DDX27: variants seen among roughly 807,000 people sequenced by gnomAD.
DDX27 encodes the protein DEAD-box helicase 27, also known as probable ATP-dependent RNA helicase DDX27.
A neutral mutation model predicts 99.3 loss-of-function variants in DDX27; 42 were observed. The ratio of observed to expected loss-of-function variants is 0.42; its 90% CI spans 0.33 to 0.55. The LOEUF (loss-of-function observed/expected upper bound fraction) is 0.55. DDX27 is among the 20% of genes least tolerant of loss of function. The pLI, the probability that DDX27 is intolerant of heterozygous loss-of-function variation, is 0.07. For missense variants in DDX27, 798 were observed against 976.8 expected (o/e 0.82, Z 2.44); for synonymous variants, 329 against 353.8 (o/e 0.93, Z 0.79).
At chr20:49,242,325 A>G (rs1980506411) in intron 18 of DDX27, 119 bp downstream of exon 18, 1 of 1,462,746 alleles carries the variant, frequency 6.8e-7, no homozygotes, top group South Asian at 1.3e-5. Flanking sequence ...AGTAATTAGT[A>G]TGTACCAATG....
chr20:49,242,277 A>G, intron 18 of DDX27, 71 bp downstream of exon 18: 6 of 1,582,844 alleles, frequency 3.8e-6, no homozygotes, highest in Non-Finnish European at 4.3e-6. Context: ...GGTCAGGGAG[A>G]AAATCTGAGG....
chr20:49,233,641 C>T lies in DDX27; in HGVS notation c.1205C>T (p.Pro402Leu), dbSNP rs1980202848. ...IFVNSNTDVAPFLRQEFIRIR... is the reference protein window; with the variant it reads ...IFVNSNTDVALFLRQEFIRIR... ...GTGAACAGCAACACAGATGTGGCTC[C>T]CTTCCTGCGGCAGGAGTTCATCCGG... Residue 402 changes from proline (P) to leucine (L), a missense_variant, in exon 11 of 21, where the codon CCC becomes CTC. This residue lies in a region of DDX27 where 553 missense variants were observed against 727.9 expected (regional missense o/e 0.76). Coordinates refer to ENST00000618172, the MANE Select transcript of DDX27 (RefSeq NM_017895.8). 6.2e-7 allele frequency: 1 copy of T among 1,614,130 alleles called. No homozygotes were observed. Among genetic ancestry groups the T allele is most frequent in the Non-Finnish European group, 8.5e-7 (1 of 1,179,994 alleles).
chr20:49,222,868 T>G (rs751145897), intron 2 of DDX27, 89 bp from the exon 3 acceptor site: 10 of 1,159,538 alleles, frequency 8.6e-6, no homozygotes, highest in Non-Finnish European at 1.2e-5. Flanking sequence ...CCAAAATTTT[T>G]TCTTTTTCAA....
chr20:49,233,335 T>G lies in DDX27; in HGVS notation c.1061T>G (p.Met354Arg). The G allele has an allele frequency of 1.9e-6, 3 of 1,614,088 alleles. No individual in the cohort carries two copies. Among genetic ancestry groups the G allele is most frequent in the Non-Finnish European group, 2.5e-6 (3 of 1,180,018 alleles). ...RMLDEYFEEQ[M>R]KEIIRMCSHH... Reference sequence around the variant, plus strand: ...CTGGATGAGTACTTTGAGGAGCAGATGAAGGAGATCATCCGAATGTGTTCC... The same window carrying G: ...CTGGATGAGTACTTTGAGGAGCAGAGGAAGGAGATCATCCGAATGTGTTCC... The change falls in exon 10 of 21, where the codon ATG (methionine) becomes AGG (arginine). Residue 354 changes from methionine (M) to arginine (R), a missense_variant. Coordinates refer to ENST00000618172, the MANE Select transcript of DDX27 (RefSeq NM_017895.8).
intron 7 of DDX27, among the ~76,000 whole-genome samples, chr20:49,227,077 T>C (rs990976998): frequency 2.7e-5 from 4 of 150,652 alleles, no homozygotes; most frequent in South Asian, 4.2e-4. Context: ...TTAGCCGGGA[T>C]GGTCTTGATC....
In DDX27 at chr20:49,244,063, G is replaced by T; in HGVS notation, c.*229G>T. 1.7e-6 allele frequency: 1 copy of T among 598,138 alleles called. No individual in the cohort carries two copies. 37.1% of individuals were successfully genotyped at this position (598,138 alleles called of 1,614,324 possible). A position where few individuals can be genotyped will look rare whatever the true frequency, so the allele number is the denominator to read the frequency against. On this transcript the variant is annotated 3_prime_UTR_variant, in exon 21 of 21. Transcript: ENST00000618172. ...CTATATTAAATGGAAGTATTTTTGG[G>T]AAAAGAGAAACCAATCCAAGTGTAT...
rs754093153 is a variant in DDX27, at chr20:49,241,981, G to C, written c.1986G>C (p.Glu662Asp). ...KFMKDAKKKG[E>D]MTAEERSQFE... Reference sequence around the variant, plus strand: ...TGAAGGATGCCAAAAAAAAGGGGGAGATGACAGTGAGTGGCCTCCCTTTTG... The same window carrying C: ...TGAAGGATGCCAAAAAAAAGGGGGACATGACAGTGAGTGGCCTCCCTTTTG... The change falls in exon 17 of 21, where the codon GAG (glutamate) becomes GAC (aspartate). Residue 662 changes from glutamate (E) to aspartate (D), a missense_variant. By Grantham distance (45) the Glu-to-Asp change is conservative (BLOSUM62 2). Transcript: ENST00000618172. 1 of 1,613,740 alleles carries C rather than the reference G, an allele frequency of 6.2e-7. No homozygotes were observed. Among genetic ancestry groups the C allele is most frequent in the African/African-American group, 1.3e-5 (1 of 74,890 alleles).
chr20:49,222,570 A>G (rs1366246859), intron 2 of DDX27, among the ~76,000 whole-genome samples: 7 of 151,824 alleles, frequency 4.6e-5, no homozygotes, highest in Non-Finnish European at 8.8e-5. Flanking sequence ...GCTGGAGTGC[A>G]ATGGCGTGAT....
rs873434 is a variant in DDX27, at chr20:49,235,087, C to T, written c.1426C>T (p.Arg476Trp). 64 of 1,601,034 alleles carry T rather than the reference C, an allele frequency of 4.0e-5. No homozygotes were observed. In the Middle Eastern group the frequency reaches 5.0e-4, roughly 12 times the overall value. ...LSQTQRLEAL[R>W]RFKDEQIDIL... The stretch of plus-strand genomic sequence containing the variant: ...ACAGACGCAGCGGCTGGAGGCCCTC[C>T]GGTAACATTTGGGGTGGGGACTGAG... The change falls in exon 12 of 21, where the codon CGG becomes TGG. Residue 476 changes from arginine to tryptophan, a missense_variant and splice_region_variant. Around this residue, in one of 2 missense-constraint regions of DDX27, gnomAD observed 553 missense variants for 727.9 expected, o/e 0.76. Coordinates refer to ENST00000618172, the MANE Select transcript of DDX27 (RefSeq NM_017895.8).
intron 8 of DDX27, 41 bp downstream of exon 8, chr20:49,228,929 T>C: frequency 6.6e-7 from 1 of 1,525,020 alleles, no homozygotes; most frequent in Non-Finnish European, 8.8e-7. Context: ...TGAGAGACTG[T>C]GGTGGGGTGG....
intron 16 of DDX27, among the ~76,000 whole-genome samples, chr20:49,241,019 C>T: frequency 6.6e-6 from 1 of 152,102 alleles, no homozygotes; most frequent in Non-Finnish European, 1.5e-5. Context: ...CGACTCAAAC[C>T]ACCACCACCA....
In DDX27 at chr20:49,239,061, G is replaced by A; in HGVS notation, c.1794+6G>A. ...TGCAGCAGTCAGAAGCCCAGGTGAGGCTGCGAGGCGGGATCTTGTTCACAA... is the reference window on the plus strand; with the variant it reads ...TGCAGCAGTCAGAAGCCCAGGTGAGACTGCGAGGCGGGATCTTGTTCACAA... On this transcript the variant is annotated splice_donor_region_variant and intron_variant, in intron 15 of 20. Coordinates refer to ENST00000618172, the MANE Select transcript of DDX27 (RefSeq NM_017895.8). 8 of 1,611,048 alleles carry A rather than the reference G, an allele frequency of 5.0e-6. No individual in the cohort carries two copies. The highest frequency in any genetic ancestry group is 6.8e-6 in the Non-Finnish European group (8 of 1,177,234).
In DDX27 at chr20:49,241,965, C is replaced by T. The variant is rs1319618006; in HGVS notation, c.1970C>T (p.Ala657Val). ...KKKRKKFMKD[A>V]KKKGEMTAEE... ...AAAAGGAAGAAGTTTATGAAGGATG[C>T]CAAAAAAAAGGGGGAGATGACAGTG... Residue 657 changes from alanine to valine, a missense_variant, in exon 17 of 21, where the codon GCC (alanine) becomes GTC (valine). Physicochemically the swap from Ala to Val is moderately conservative, Grantham distance 64. Coordinates refer to ENST00000618172, the MANE Select transcript of DDX27 (RefSeq NM_017895.8). 6.2e-7 allele frequency: 1 copy of T among 1,608,884 alleles called. No homozygotes were observed. The highest frequency in any genetic ancestry group is 8.5e-7 in the Non-Finnish European group (1 of 1,178,668).
chr20:49,223,204 C>T (rs982498921), intron 3 of DDX27, 64 bp from the exon 4 acceptor site: 16 of 1,521,582 alleles, frequency 1.1e-5, no homozygotes, highest in African/African-American at 9.8e-5. Context: ...AGCTTCCTAT[C>T]GCTCTACTTA....
At chr20:49,232,680 C>A in intron 9 of DDX27, 1 of 140,568 alleles carries the variant, frequency 7.1e-6, no homozygotes, top group Admixed American at 8.0e-5. Context: ...AGGAGAATGG[C>A]GTGAACCTGG....
chr20:49,228,899 G>A lies in DDX27; in HGVS notation c.880+11G>A, dbSNP rs199750120. On this transcript the variant is annotated intron_variant, in intron 8 of 20. Transcript: ENST00000618172. ...CCTGCCTGGCTGTGGGTGAGTTTCT[G>A]GCCAAGGGCTGCCAGCCCCTGAGAG... The A allele has an allele frequency of 1.3e-4, 201 of 1,576,158 alleles. No homozygotes were observed. In the African/African-American group the frequency reaches 2.6e-3, roughly 21 times the overall value.
chr20:49,243,456 C>T (rs2146722881), intron 19 of DDX27, among the ~76,000 whole-genome samples, 173 bp from the exon 20 acceptor site: 1 of 152,284 alleles, frequency 6.6e-6, no homozygotes, highest in East Asian at 1.9e-4. Flanking sequence ...TGGGCCCTGA[C>T]TTCCAGAAAC....
At chr20:49,241,639 T>C (rs1600977725) in intron 16 of DDX27, among the ~76,000 whole-genome samples, 1 of 151,822 alleles carries the variant, frequency 6.6e-6, no homozygotes, top group South Asian at 2.1e-4. Context: ...CCCAGCTAAT[T>C]TTTGTATTTT....
At chr20:49,237,411 C>G (rs759560406) in intron 14 of DDX27, among the ~76,000 whole-genome samples, 1 of 152,140 alleles carries the variant, frequency 6.6e-6, no homozygotes, top group Non-Finnish European at 1.5e-5. Context: ...AAGAGCTCAC[C>G]ACTGGTAGCA....
Sources: gnomAD v4.1 joint callset for allele counts (sites outside exome capture counted in the v4.1 genomes callset) on GRCh38, gnomAD v4.1.1 for gene constraint, gnomAD v4.1.1 regional missense constraint, MANE v1.5 for transcripts, NCBI Gene and HGNC (gene_info 2026-07-23, HGNC 2026-07-21) for gene names.